IL12RB2: variants seen among roughly 807,000 people sequenced by gnomAD.
IL12RB2 encodes the protein interleukin 12 receptor subunit beta 2, also known as interleukin-12 receptor subunit beta-2.
IL12RB2 carries 82 observed loss-of-function variants against 89.4 expected under a neutral mutation model. That is an observed-to-expected ratio of 0.92 (90% CI 0.77 to 1.10). The LOEUF (loss-of-function observed/expected upper bound fraction) is 1.10, where lower values mean the gene tolerates loss of function less well. Ranked by LOEUF, IL12RB2 falls within the 50% of genes least tolerant of loss-of-function variation. The pLI, the probability that IL12RB2 is intolerant of heterozygous loss-of-function variation, is 0.00. For synonymous variants in IL12RB2, 368 were observed against 370.1 expected, an observed-to-expected ratio of 0.99 and a Z score of 0.07; for missense variants, 963 against 1,031.9, an observed-to-expected ratio of 0.93 and a Z score of 0.92.
intron 10 of IL12RB2, among the ~76,000 whole-genome samples, chr1:67,353,399 AC>A (rs1661051334): frequency 6.6e-6 from 1 of 150,878 alleles, no homozygotes; most frequent in Admixed American, 6.7e-5. Context: ...GGAAAAAGAT[AC>A]AAAAAAAAAT....
At chr1:67,386,198 G>GA (rs1356960898) in intron 14 of IL12RB2, among the ~76,000 whole-genome samples, 1 of 98,970 alleles carries the variant, frequency 1.0e-5, no homozygotes, top group East Asian at 3.4e-4. Context: ...GACACAGTGA[G>GA]ACTCCATCTC....
At chr1:67,324,880 A>G in intron 4 of IL12RB2, among the ~76,000 whole-genome samples, 1 of 152,224 alleles carries the variant, frequency 6.6e-6, no homozygotes, top group Non-Finnish European at 1.5e-5. Flanking sequence ...ATGAAGAAGA[A>G]ATGTTGAGAA....
At chr1:67,340,815 C>T (rs1014524746) in intron 9 of IL12RB2, among the ~76,000 whole-genome samples, 1 of 152,148 alleles carries the variant, frequency 6.6e-6, no homozygotes, top group African/African-American at 2.4e-5. Flanking sequence ...TTCTCTGCTG[C>T]CCTGATTTTA....
At chr1:67,307,639 G>A (rs931169666), upstream of IL12RB2, 1 of 152,298 alleles carries the variant, frequency 6.6e-6, no homozygotes, top group Non-Finnish European at 1.5e-5. Context: ...TCCCACCCGA[G>A]CCCGCTTCGA....
chr1:67,348,827 T>A (rs1660516517), intron 9 of IL12RB2, among the ~76,000 whole-genome samples: 1 of 152,208 alleles, frequency 6.6e-6, no homozygotes, highest in Non-Finnish European at 1.5e-5. Flanking sequence ...AGGAGACCAA[T>A]TACCTAAGAA....
In IL12RB2 at chr1:67,395,870, A is replaced by T. The variant is rs374447006; in HGVS notation, c.2370A>T (p.Pro790=). 1 of 1,609,314 alleles carries T rather than the reference A, an allele frequency of 6.2e-7. No homozygotes were observed. Among genetic ancestry groups the T allele is most frequent in the South Asian group, 1.1e-5 (1 of 90,870 alleles). The change falls in exon 17 of 17, where the codon CCA becomes CCT. Residue 790 remains proline (P), a synonymous_variant. Coordinates refer to ENST00000674203, the MANE Select transcript of IL12RB2 (RefSeq NM_001374259.2). ...ENPACPWTVL[P]AGDLPTHDGY... ...CAGCCTGTCCCTGGACGGTGCTCCC[A>T]GCAGGTGACCTTCCCACCCATGATG... is the stretch of plus-strand genomic sequence containing the variant.
rs182423972 is a variant in IL12RB2 at position 67,325,947 on chromosome 1, A to G, written c.365-788A>G. 2.6e-5 allele frequency among the ~76,000 whole-genome samples: 4 copies of G among 152,338 alleles called. 1 individual carries two copies. Among genetic ancestry groups the G allele is most frequent in the Admixed American group, 2.6e-4 (4 of 15,306 alleles). ...CACCATAAAATAGCTTTATTTAAAA[A>G]TACACACCTTACAATAGAAGGGACC... On this transcript the variant is annotated intron_variant, in intron 4 of 16. Coordinates refer to ENST00000674203, the MANE Select transcript of IL12RB2 (RefSeq NM_001374259.2).
chr1:67,367,907 T>G lies in IL12RB2; in HGVS notation c.1341T>G (p.Asp447Glu). ...ILVTWQPPRK[D>E]PSAVQEYVVE... ...TGACTTGGCAGCCTCCCAGGAAAGA[T>G]CCCTCTGCTGTTCAGGAGTACGTGG... is the stretch of plus-strand genomic sequence containing the variant. Residue 447 changes from aspartate to glutamate, a missense_variant, in exon 11 of 17, where the codon GAT (aspartate) becomes GAG (glutamate). Coordinates refer to ENST00000674203, the MANE Select transcript of IL12RB2 (RefSeq NM_001374259.2). The G allele has an allele frequency of 6.2e-7, 1 of 1,607,618 alleles. No homozygotes were observed. Among genetic ancestry groups the G allele is most frequent in the Non-Finnish European group, 8.5e-7 (1 of 1,174,040 alleles).
intron 10 of IL12RB2, among the ~76,000 whole-genome samples, chr1:67,356,905 T>G (rs1661453957): frequency 6.6e-6 from 1 of 152,140 alleles, no homozygotes; most frequent in Non-Finnish European, 1.5e-5. Flanking sequence ...TACAAAAGAT[T>G]AGAATAAATG....
intron 13 of IL12RB2, among the ~76,000 whole-genome samples, chr1:67,373,429 G>A (rs780047064): frequency 2.6e-5 from 4 of 152,170 alleles, no homozygotes; most frequent in Non-Finnish European, 5.9e-5. Context: ...TAGGCCTTGA[G>A]GTTCACAAGA....
chr1:67,326,850 G>T lies in IL12RB2; in HGVS notation c.479+1G>T. 6.7e-7 allele frequency: 1 copy of T among 1,501,016 alleles called. No individual in the cohort carries two copies. 93.0% of individuals were successfully genotyped at this position (1,501,016 alleles called of 1,614,324 possible). On this transcript the variant is annotated splice_donor_variant, in intron 5 of 16. Coordinates refer to ENST00000674203, the MANE Select transcript of IL12RB2 (RefSeq NM_001374259.2). LOFTEE classifies it high-confidence loss of function. ...ACTTATACACTGAGTATACTCTACA[G>T]TGAGTGAGAGGCTGTATTTTTGCAG...
chr1:67,328,297 G>A lies in IL12RB2; in HGVS notation c.577G>A (p.Glu193Lys), dbSNP rs756508880. ...AATCAACCTCACCCCTGAATCACCTGAATCCAATTTCACAGCCAAGGTTAC... is the reference window on the plus strand; with the variant it reads ...AATCAACCTCACCCCTGAATCACCTAAATCCAATTTCACAGCCAAGGTTAC... ...FGINLTPESP[E>K]SNFTAKVTAV... is the part of the protein sequence containing the mutation. The change falls in exon 6 of 17, where the codon GAA becomes AAA. Residue 193 changes from glutamate (E) to lysine (K), a missense_variant. Physicochemically the swap from Glu to Lys is moderately conservative, Grantham distance 56 (BLOSUM62 1). Coordinates refer to ENST00000674203, the MANE Select transcript of IL12RB2 (RefSeq NM_001374259.2). 1.2e-6 allele frequency: 2 copies of A among 1,614,154 alleles called. No individual in the cohort carries two copies. The highest frequency in any genetic ancestry group is 1.7e-6 in the Non-Finnish European group (2 of 1,180,022).
intron 4 of IL12RB2, among the ~76,000 whole-genome samples, chr1:67,322,931 C>T (rs1038199561): frequency 2.6e-5 from 4 of 152,204 alleles, no homozygotes. Flanking sequence ...AAGCATGGGC[C>T]CTGAGGGATT....
chr1:67,395,686 G>A lies in IL12RB2; in HGVS notation c.2186G>A (p.Arg729Lys). 1.9e-6 allele frequency: 3 copies of A among 1,614,114 alleles called. No individual in the cohort carries two copies. Among genetic ancestry groups the A allele is most frequent in the Non-Finnish European group, 2.5e-6 (3 of 1,180,016 alleles). The change falls in exon 17 of 17, where the codon AGG (arginine) becomes AAG (lysine). Residue 729 changes from arginine to lysine, a missense_variant. Transcript: ENST00000674203. ...CCCCCCTGCTCCAACTGGCCACAAA[G>A]GGAAAAAGGAATCCAAGGTCATCAG... ...RHPPCSNWPQ[R>K]EKGIQGHQAS...
At chr1:67,391,895 G>A (rs1665876333) in intron 16 of IL12RB2, among the ~76,000 whole-genome samples, 1 of 151,878 alleles carries the variant, frequency 6.6e-6, no homozygotes, top group Non-Finnish European at 1.5e-5. Context: ...CACCCGCCTC[G>A]GCCTCCCAAA....
rs768203289 is a variant in IL12RB2, at chr1:67,367,849, C to T, written c.1283C>T (p.Ser428Phe). 9 of 1,604,154 alleles carry T rather than the reference C, an allele frequency of 5.6e-6. No individual in the cohort carries two copies. The highest frequency in any genetic ancestry group is 5.4e-5 in the African/African-American group (4 of 74,714). ...GGGTTGCTGGCTCCTCGCCAGGTCT[C>T]TGCAAACTCAGAGGGCATGGACAAC... Reference protein sequence around the residue: ...EAGLLAPRQVSANSEGMDNIL... With the variant: ...EAGLLAPRQVFANSEGMDNIL... Residue 428 changes from serine (S) to phenylalanine (F), a missense_variant, in exon 11 of 17, where the codon TCT becomes TTT. Ser to Phe is a radical substitution (Grantham distance 155, BLOSUM62 -2). Transcript: ENST00000674203.
chr1:67,374,970 AG>A (rs1395238154), intron 13 of IL12RB2, among the ~76,000 whole-genome samples: 1 of 151,920 alleles, frequency 6.6e-6, no homozygotes, highest in Non-Finnish European at 1.5e-5. Context: ...GGGGAGGGAG[AG>A]TGCAGATTCA....
chr1:67,335,177 G>A (rs2100717353), intron 8 of IL12RB2, among the ~76,000 whole-genome samples: 1 of 152,324 alleles, frequency 6.6e-6, no homozygotes, highest in South Asian at 2.1e-4. Flanking sequence ...TAGGATCTGA[G>A]ATAATACAGT....
chr1:67,395,408 G>A (rs180677868), intron 16 of IL12RB2, 139 bp from the exon 17 acceptor site: 140 of 1,525,290 alleles, frequency 9.2e-5, no homozygotes, highest in Middle Eastern at 2.4e-4. Flanking sequence ...CTCTTACCTC[G>A]CAAACTCCAG....
Sources: gnomAD v4.1 joint callset for allele counts (sites outside exome capture counted in the v4.1 genomes callset) on GRCh38, gnomAD v4.1.1 for gene constraint, MANE v1.5 for transcripts, NCBI Gene and HGNC (gene_info 2026-07-23, HGNC 2026-07-21) for gene names.